TUT4: variants seen among roughly 807,000 people sequenced by gnomAD.
TUT4 encodes terminal uridylyltransferase 4.
In TUT4, 36 loss-of-function variants were observed where a neutral mutation model predicts 192.2. The observed-to-expected ratio is 0.19, with a 90% CI of 0.14 to 0.25. The LOEUF (loss-of-function observed/expected upper bound fraction) is 0.25. Ranked by LOEUF, TUT4 falls within the 10% of genes least tolerant of loss-of-function variation. The pLI, the probability that TUT4 is intolerant of heterozygous loss-of-function variation, is 1.00. For synonymous variants in TUT4, 618 were observed against 666.0 expected (o/e 0.93, Z 1.11); for missense variants, 1,493 against 1,957.2 (o/e 0.76, Z 4.47).
At chr1:52,515,470 T>C (rs1222767253) in intron 3 of TUT4, 2 of 220,398 alleles carry the variant, frequency 9.1e-6, no homozygotes, top group Non-Finnish European at 1.8e-5. Flanking sequence ...TATTTTATGC[T>C]TTTCAAGCCA....
rs1397695829 is a variant in TUT4, at chr1:52,506,230, T to C, written c.999+3366A>G. On this transcript the variant is annotated intron_variant, in intron 4 of 29. Transcript: ENST00000257177. ...TGTTGGATTCAATTGGCTAAAGTTATATTTAGAATTTCTGCATCTATGTTC... is the reference window on the plus strand; with the variant it reads ...TGTTGGATTCAATTGGCTAAAGTTACATTTAGAATTTCTGCATCTATGTTC... 2.0e-5 allele frequency among the ~76,000 whole-genome samples: 3 copies of C among 152,222 alleles called. No homozygotes were observed. The South Asian group carries it at 6.2e-4, about 32-fold the overall frequency.
In TUT4 at chr1:52,525,716, T is replaced by G. The variant is rs568937540; in HGVS notation, c.565A>C (p.Thr189Pro). The change falls in exon 2 of 30, where the codon ACT becomes CCT. Residue 189 changes from threonine to proline, a missense_variant. Around this residue, in one of 7 missense-constraint regions of TUT4, gnomAD observed 260 missense variants for 247.8 expected, o/e 1.05. Coordinates refer to ENST00000257177, the MANE Select transcript of TUT4 (RefSeq NM_001009881.3). ...QIGKKIPSSF[T>P]SVDKVNIEAV... ...TCAATATTCACTTTGTCCACAGAAG[T>G]AAAGGAGCTTGGAATTTTTTTTCCA... is the stretch of plus-strand genomic sequence containing the variant. The G allele has an allele frequency of 1.2e-6, 2 of 1,614,166 alleles. No homozygotes were observed. The highest frequency in any genetic ancestry group is 2.7e-5 in the African/African-American group (2 of 75,058).
At chr1:52,480,787 A>G (rs959377732) in intron 11 of TUT4, among the ~76,000 whole-genome samples, 3 of 152,346 alleles carry the variant, frequency 2.0e-5, no homozygotes, top group African/African-American at 4.8e-5. Flanking sequence ...GGCTGAGAGT[A>G]TTAGTGGTTT....
chr1:52,458,672 T>C (rs1261735539), intron 19 of TUT4, among the ~76,000 whole-genome samples: 1 of 151,960 alleles, frequency 6.6e-6, no homozygotes, highest in Non-Finnish European at 1.5e-5. Context: ...TGAGACCCCA[T>C]CTTACAAACA....
At chr1:52,437,803 A>C (rs1654265667) in intron 25 of TUT4, 1 of 154,420 alleles carries the variant, frequency 6.5e-6, no homozygotes, top group Non-Finnish European at 1.4e-5. Flanking sequence ...AAGATACAAA[A>C]AATTAGCTGG....
rs1661567309 is a variant in TUT4, at chr1:52,458,439, A to G, written c.3332T>C (p.Ile1111Thr). The G allele has an allele frequency of 6.2e-7, 1 of 1,612,178 alleles. No individual in the cohort carries two copies. The highest frequency in any genetic ancestry group is 1.7e-5 in the Admixed American group (1 of 59,842). Residue 1111 changes from isoleucine (I) to threonine (T), a missense_variant, in exon 20 of 30, where the codon ATT becomes ACT. Physicochemically the swap from Ile to Thr is moderately conservative, Grantham distance 89. Around this residue, in one of 7 missense-constraint regions of TUT4, gnomAD observed 141 missense variants for 382.7 expected, o/e 0.37. Coordinates refer to ENST00000257177, the MANE Select transcript of TUT4 (RefSeq NM_001009881.3). Reference protein sequence around the residue: ...TMKVFAKRCDIGDASRGSLSS... With the variant: ...TMKVFAKRCDTGDASRGSLSS... ...TAAACTTCCCCTGGAAGCATCCCCA[A>G]TGTCACATCGCTAAAAAACAACATG...
chr1:52,463,558 C>T, intron 16 of TUT4: 5 of 1,218,596 alleles, frequency 4.1e-6, no homozygotes, highest in Non-Finnish European at 5.3e-6. Flanking sequence ...GCGATACTGA[C>T]ACCACTACAG....
At chr1:52,553,118 A>AGGG (rs1689922466), upstream of TUT4, 1 of 106,086 alleles carries the variant, frequency 9.4e-6, no homozygotes, top group Non-Finnish European at 2.1e-5. Context: ...AGGGATGGGG[A>AGGG]GGGGGAGGAG....
intron 1 of TUT4, among the ~76,000 whole-genome samples, chr1:52,527,758 T>C (rs1009527382): frequency 6.6e-6 from 1 of 152,148 alleles, no homozygotes; most frequent in Non-Finnish European, 1.5e-5. Context: ...GTTCATCCAC[T>C]GTAATAAACA....
intron 2 of TUT4, among the ~76,000 whole-genome samples, chr1:52,521,603 T>C (rs1416425999): frequency 6.6e-6 from 1 of 151,896 alleles, no homozygotes; most frequent in Admixed American, 6.6e-5. Flanking sequence ...AGGTAGAAGT[T>C]ACAGTGAGCT....
At chr1:52,548,505 C>CT (rs1401795652) in intron 1 of TUT4, among the ~76,000 whole-genome samples, 1 of 152,168 alleles carries the variant, frequency 6.6e-6, no homozygotes, top group Non-Finnish European at 1.5e-5. Flanking sequence ...GACTCAGACA[C>CT]TTTGAGTTCA....
At position 52,469,662 on chromosome 1, in the gene TUT4, G is replaced by A. The variant is rs562201991; in HGVS notation, c.2879-1395C>T. ...GCCCAGCACTTTGGGAGGCTGAGGAGGGTGGATCACAAGGTCAGGAGATCA... is the reference window on the plus strand; with the variant it reads ...GCCCAGCACTTTGGGAGGCTGAGGAAGGTGGATCACAAGGTCAGGAGATCA... On this transcript the variant is annotated intron_variant, in intron 14 of 29. Transcript: ENST00000257177. Among the ~76,000 whole-genome samples the A allele has an allele frequency of 4.6e-5, 7 of 152,180 alleles. No individual in the cohort carries two copies. The East Asian group carries it at 1.4e-3, about 29-fold the overall frequency.
intron 16 of TUT4, chr1:52,462,359 T>C (rs1662842459): frequency 6.6e-6 from 1 of 152,138 alleles, no homozygotes; most frequent in Non-Finnish European, 1.5e-5. Flanking sequence ...CTAATTTTTT[T>C]GTATTTTTAG....
chr1:52,446,543 CAT>C (rs754810653), intron 21 of TUT4, 45 bp downstream of exon 21: 3 of 1,562,250 alleles, frequency 1.9e-6, no homozygotes, highest in Non-Finnish European at 1.7e-6. Flanking sequence ...CAGATGCTAA[CAT>C]ATATCAGTGA....
intron 1 of TUT4, among the ~76,000 whole-genome samples, chr1:52,532,559 C>T (rs1190192651): frequency 6.6e-6 from 1 of 152,168 alleles, no homozygotes; most frequent in Non-Finnish European, 1.5e-5. Flanking sequence ...GATCCTGCTG[C>T]CTTGGCCTAC....
chr1:52,519,339 T>C (rs1171663846), intron 2 of TUT4, among the ~76,000 whole-genome samples: 1 of 152,094 alleles, frequency 6.6e-6, no homozygotes, highest in Non-Finnish European at 1.5e-5. Context: ...AGAAAGTAGA[T>C]TCATGGTTGT....
intron 4 of TUT4, among the ~76,000 whole-genome samples, chr1:52,507,076 G>A (rs989750263): frequency 6.6e-6 from 1 of 152,188 alleles, no homozygotes; most frequent in Non-Finnish European, 1.5e-5. Context: ...GTCCCATGAA[G>A]CACGAGGCTT....
intron 6 of TUT4, among the ~76,000 whole-genome samples, chr1:52,494,459 A>G (rs11205963): frequency 0.061 from 9,323 of 152,282 alleles, 310 homozygotes; most frequent in South Asian, 0.086. Context: ...TGGGAGGCCG[A>G]GGCAGGCGGA....
At chr1:52,488,842 A>T (rs554970408) in intron 9 of TUT4, 67 bp downstream of exon 9, 1 of 1,490,244 alleles carries the variant, frequency 6.7e-7, no homozygotes, top group African/African-American at 1.4e-5. Context: ...GAAAAGGCCT[A>T]ATTTTGAAGA....
Sources: gnomAD v4.1 joint callset for allele counts (sites outside exome capture counted in the v4.1 genomes callset) on GRCh38, gnomAD v4.1.1 for gene constraint, gnomAD v4.1.1 regional missense constraint, MANE v1.5 for transcripts, NCBI Gene and HGNC (gene_info 2026-07-23, HGNC 2026-07-21) for gene names.